The following TIGAR variants were observed in gnomAD, a reference collection of about 807,000 sequenced individuals.
TIGAR encodes the protein fructose-2,6-bisphosphatase TIGAR.
In TIGAR, 7 loss-of-function variants were observed where a neutral mutation model predicts 17.9. That is an observed-to-expected ratio of 0.39 (90% confidence interval 0.22 to 0.73). The LOEUF (loss-of-function observed/expected upper bound fraction) is 0.73, where lower values mean the gene tolerates loss of function less well. Among genes scored for constraint, TIGAR ranks in the 30% least tolerant of loss-of-function variants. The pLI is 0.42. For synonymous variants in TIGAR, 94 were observed against 108.6 expected, an observed-to-expected ratio of 0.87 and a Z score of 0.84; for missense variants, 258 against 327.4, an observed-to-expected ratio of 0.79 and a Z score of 1.64.
rs756948164 is a variant in TIGAR, at chr12:4,352,232, A to G, written c.382-28A>G. 15 of 1,579,976 alleles carry G rather than the reference A, an allele frequency of 9.5e-6. No individual in the cohort carries two copies. In the Admixed American group the frequency reaches 2.7e-4, roughly 28 times the overall value. On this transcript the variant is annotated intron_variant, in intron 5 of 5. Coordinates refer to ENST00000179259, the MANE Select transcript of TIGAR (RefSeq NM_020375.3). The stretch of plus-strand genomic sequence containing the variant: ...TTAAGGAAGTCATTAATGTCACTTT[A>G]TTTTGACTTTTATTTCTTTTCTTGT...
In TIGAR at chr12:4,355,606, GCA is replaced by G. The variant is rs1399481274; in HGVS notation, c.*2922_*2923del. The stretch of plus-strand genomic sequence containing the variant: ...ATTCAATACGTATTTTTTGAGCATG[GCA>G]CACACATGCCAGGCTATTTTAAGAA... On this transcript the variant is annotated 3_prime_UTR_variant, in exon 6 of 6. Coordinates refer to ENST00000179259, the MANE Select transcript of TIGAR (RefSeq NM_020375.3). 6.6e-6 allele frequency among the ~76,000 whole-genome samples: 1 copy of G among 152,092 alleles called. No individual in the cohort carries two copies. Among genetic ancestry groups the G allele is most frequent in the African/African-American group, 2.4e-5 (1 of 41,408 alleles).
At chr12:4,349,502 C>G (rs1043250149) in intron 3 of TIGAR, among the ~76,000 whole-genome samples, 2 of 151,896 alleles carry the variant, frequency 1.3e-5, no homozygotes, top group Non-Finnish European at 2.9e-5. Flanking sequence ...ACTGCAACCT[C>G]CGCCTCCCAG....
At chr12:4,348,463 T>C (rs937207268) in intron 3 of TIGAR, among the ~76,000 whole-genome samples, 12 of 152,246 alleles carry the variant, frequency 7.9e-5, no homozygotes, top group African/African-American at 2.7e-4. Context: ...TTTGTTCATA[T>C]TGATGATTTC....
chr12:4,352,863 C>G lies in TIGAR; in HGVS notation c.*172C>G. Reference sequence around the variant, plus strand: ...TTAATGGACAACCATATAGAATTAACTTATTTTGTCCAAGTACAGTTGGCA... The same window carrying G: ...TTAATGGACAACCATATAGAATTAAGTTATTTTGTCCAAGTACAGTTGGCA... On this transcript the variant is annotated 3_prime_UTR_variant, in exon 6 of 6. Transcript: ENST00000179259. 1 of 598,728 alleles carries G rather than the reference C, an allele frequency of 1.7e-6. No homozygotes were observed. Among genetic ancestry groups the G allele is most frequent in the Non-Finnish European group, 2.8e-6 (1 of 351,420 alleles). 37.1% of individuals were successfully genotyped at this position (598,728 alleles called of 1,614,324 possible).
Position 4,350,987 on chromosome 12 carries a change from AT to A in TIGAR, c.271-277del, listed in dbSNP as rs555425996. On this transcript the variant is annotated intron_variant, in intron 4 of 5. Coordinates refer to ENST00000179259, the MANE Select transcript of TIGAR (RefSeq NM_020375.3). ...TCCTATAATCTGTGCAAATCTCTGT[AT>A]TTGTTCAATAAATTCCCACCATCTG... 2.0e-3 allele frequency among the ~76,000 whole-genome samples: 300 copies of A among 152,224 alleles called. 2 individuals carry two copies. The highest frequency in any genetic ancestry group is 6.6e-3 in the African/African-American group (274 of 41,556).
intron 3 of TIGAR, among the ~76,000 whole-genome samples, chr12:4,346,421 A>G (rs371573458): frequency 6.6e-6 from 1 of 152,250 alleles, no homozygotes; most frequent in Non-Finnish European, 1.5e-5. Context: ...AATACTATGC[A>G]GCCATAAAAA....
chr12:4,324,335 T>G, intron 1 of TIGAR: 5 of 746,248 alleles, frequency 6.7e-6, no homozygotes, highest in Admixed American at 5.0e-5. Context: ...TTTTTTTTTT[T>G]TTTTTGGAAA....
intron 3 of TIGAR, among the ~76,000 whole-genome samples, chr12:4,341,776 A>C (rs968850742): frequency 2.0e-5 from 3 of 152,234 alleles, no homozygotes; most frequent in Non-Finnish European, 4.4e-5. Context: ...AGATAAAACC[A>C]CAAAGATGGG....
intron 3 of TIGAR, among the ~76,000 whole-genome samples, chr12:4,346,781 CAAAG>C (rs1019411027): frequency 6.6e-6 from 1 of 151,674 alleles, no homozygotes; most frequent in Non-Finnish European, 1.5e-5. Flanking sequence ...AAAAAAATGA[CAAAG>C]AGACATATGA....
intron 2 of TIGAR, among the ~76,000 whole-genome samples, chr12:4,334,494 A>G (rs1864637710): frequency 6.6e-6 from 1 of 152,192 alleles, no homozygotes; most frequent in Non-Finnish European, 1.5e-5. Flanking sequence ...TACCTAATAA[A>G]GTATAATATT....
At chr12:4,324,553 AG>A in intron 1 of TIGAR, 1 of 1,608,010 alleles carries the variant, frequency 6.2e-7, no homozygotes, top group Non-Finnish European at 8.5e-7. Context: ...CATCTTGGGC[AG>A]GATGATCATG....
intron 3 of TIGAR, among the ~76,000 whole-genome samples, chr12:4,340,141 A>G (rs574287774): frequency 3.2e-4 from 49 of 152,376 alleles, no homozygotes; most frequent in African/African-American, 1.1e-3. Flanking sequence ...TTTGCAGATG[A>G]TAGGATCTTA....
At position 4,356,508 on chromosome 12, in the gene TIGAR, C is replaced by T. The variant is rs1018278775; in HGVS notation, c.*3817C>T. ...ATCCCCTGCCCCTACACACGCATTG[C>T]TTCTCCTACTATCAACATCCCCCAC... On this transcript the variant is annotated 3_prime_UTR_variant, in exon 6 of 6. Coordinates refer to ENST00000179259, the MANE Select transcript of TIGAR (RefSeq NM_020375.3). Among the ~76,000 whole-genome samples the T allele has an allele frequency of 6.6e-6, 1 of 152,120 alleles. No individual in the cohort carries two copies. The highest frequency in any genetic ancestry group is 2.4e-5 in the African/African-American group (1 of 41,422).
At chr12:4,329,123 A>G (rs1208187529) in intron 1 of TIGAR, among the ~76,000 whole-genome samples, 1 of 151,822 alleles carries the variant, frequency 6.6e-6, no homozygotes, top group African/African-American at 2.4e-5. Context: ...CTACTTAATC[A>G]TATATCTTGG....
chr12:4,337,030 A>G lies in TIGAR; in HGVS notation c.71-9A>G. The G allele has an allele frequency of 6.3e-7, 1 of 1,596,778 alleles. No individual in the cohort carries two copies. The highest frequency in any genetic ancestry group is 1.1e-5 in the South Asian group (1 of 90,224). ...GAATGTTATTGTTCCTCTTCTTAAT[A>G]TATCACAGGACAAGGAGTAGATGAA... is the stretch of plus-strand genomic sequence containing the variant. On this transcript the variant is annotated splice_polypyrimidine_tract_variant and intron_variant, in intron 2 of 5. Coordinates refer to ENST00000179259, the MANE Select transcript of TIGAR (RefSeq NM_020375.3).
chr12:4,332,125 G>A (rs1460621640), intron 2 of TIGAR, among the ~76,000 whole-genome samples: 1 of 151,658 alleles, frequency 6.6e-6, no homozygotes, highest in Non-Finnish European at 1.5e-5. Flanking sequence ...CTAAGACATT[G>A]ACAATGGAAC....
chr12:4,329,326 A>ATT (rs1329430607), intron 1 of TIGAR, among the ~76,000 whole-genome samples: 1 of 103,818 alleles, frequency 9.6e-6, no homozygotes, highest in South Asian at 3.2e-4. Context: ...GTAGCTAATG[A>ATT]TCTTTTTTTT....
In TIGAR at chr12:4,358,945, A is replaced by G. The variant is rs1178844585; in HGVS notation, c.*6254A>G. On this transcript the variant is annotated 3_prime_UTR_variant, in exon 6 of 6. Coordinates refer to ENST00000179259, the MANE Select transcript of TIGAR (RefSeq NM_020375.3). Reference sequence around the variant, plus strand: ...TTCTTGTGGTTTTTTTTCCTGACATATCCTCATTATTAGATTTGGATTGTA... The same window carrying G: ...TTCTTGTGGTTTTTTTTCCTGACATGTCCTCATTATTAGATTTGGATTGTA... 6.6e-6 allele frequency among the ~76,000 whole-genome samples: 1 copy of G among 151,676 alleles called. No homozygotes were observed. The highest frequency in any genetic ancestry group is 2.4e-5 in the African/African-American group (1 of 41,248).
intron 3 of TIGAR, among the ~76,000 whole-genome samples, chr12:4,339,107 A>T (rs893191626): frequency 2.6e-5 from 4 of 152,128 alleles, no homozygotes; most frequent in African/African-American, 4.8e-5. Flanking sequence ...ACTCCAAAAG[A>T]TCAGTGAAAT....
Sources: allele counts gnomAD v4.1 joint callset (sites outside exome capture counted in the v4.1 genomes callset), GRCh38; gene constraint gnomAD v4.1.1; transcripts MANE v1.5; gene names NCBI Gene and HGNC (gene_info 2026-07-23, HGNC 2026-07-21).